The following PRKAR1B variants were observed in gnomAD, a reference collection of about 807,000 sequenced individuals.
PRKAR1B encodes cAMP-dependent protein kinase type I-beta regulatory subunit.
In PRKAR1B, 22 loss-of-function variants were observed where a neutral mutation model predicts 46.5. The observed-to-expected ratio is 0.47, with a 90% CI of 0.34 to 0.68. The LOEUF (loss-of-function observed/expected upper bound fraction) is 0.68, where lower values mean the gene tolerates loss of function less well. Among genes scored for constraint, PRKAR1B ranks in the 30% least tolerant of loss-of-function variants. The probability of loss-of-function intolerance (pLI) is 0.01; values close to 1 mark genes in which losing one functional copy is unlikely to be tolerated. For synonymous variants in PRKAR1B, 259 were observed against 217.7 expected (o/e 1.19, Z -1.67); for missense variants, 445 against 535.6 (o/e 0.83, Z 1.67).
intron 9 of PRKAR1B, among the ~76,000 whole-genome samples, chr7:558,326 AG>A (rs1171897185): frequency 1.0e-5 from 1 of 98,114 alleles, no homozygotes; most frequent in Non-Finnish European, 2.1e-5. Flanking sequence ...ACCCTGTCTC[AG>A]GAAAAAAAAA....
At chr7:556,512 G>A (rs939650901) in intron 9 of PRKAR1B, among the ~76,000 whole-genome samples, 1 of 152,204 alleles carries the variant, frequency 6.6e-6, no homozygotes, top group African/African-American at 2.4e-5. Flanking sequence ...ACAGTCTTCC[G>A]CACGGAGTCA....
At chr7:610,717 T>C (rs1246388218) in intron 4 of PRKAR1B, among the ~76,000 whole-genome samples, 5 of 152,162 alleles carry the variant, frequency 3.3e-5, no homozygotes, top group African/African-American at 9.7e-5. Context: ...AAAACCCCCA[T>C]GGCTTCCTCT....
intron 6 of PRKAR1B, among the ~76,000 whole-genome samples, chr7:600,880 G>A (rs1781549350): frequency 6.6e-6 from 1 of 152,346 alleles, no homozygotes; most frequent in South Asian, 2.1e-4. Flanking sequence ...AAATACATTG[G>A]AAGATATTTT....
intron 9 of PRKAR1B, among the ~76,000 whole-genome samples, chr7:572,923 G>A (rs1301069211): frequency 2.6e-5 from 4 of 152,252 alleles, no homozygotes; most frequent in East Asian, 3.9e-4. Context: ...CAGGGAGAGC[G>A]AGGGACCGGC....
chr7:661,257 CCCCATGGCACAGG>C (rs1785538795), intron 4 of PRKAR1B, among the ~76,000 whole-genome samples: 1 of 84,182 alleles, frequency 1.2e-5, no homozygotes, highest in Admixed American at 1.1e-4. Flanking sequence ...CTACTCTCCC[CCCCATGGCACAGG>C]TCCCCACCCC....
chr7:705,076 G>A (rs1780250398), intron 2 of PRKAR1B, among the ~76,000 whole-genome samples: 1 of 152,124 alleles, frequency 6.6e-6, no homozygotes, highest in Non-Finnish European at 1.5e-5. Flanking sequence ...TGGAGCATCT[G>A]AGGTCAGGAG....
chr7:602,284 G>A lies in PRKAR1B; in HGVS notation c.549+3909C>T, dbSNP rs979416855. On this transcript the variant is annotated intron_variant, in intron 6 of 10. Transcript: ENST00000537384. This position sits in a 1 kb window ranked among gnomAD's most constrained non-coding sequence, Gnocchi z 6.4. ...GTATGAAGGAGTTACAGACGGCGGC[G>A]GGGGGAGGGGGGGTCTGTCCTGCTG... Among the ~76,000 whole-genome samples, 5 of 92,230 alleles carry A rather than the reference G, an allele frequency of 5.4e-5. No individual in the cohort carries two copies. Among genetic ancestry groups the A allele is most frequent in the African/African-American group, 1.9e-4 (5 of 25,866 alleles). The allele number at this position is 92,230 out of a possible 152,430, so 60.5% of individuals were successfully genotyped here.
rs540455681 is a variant in PRKAR1B, at chr7:666,366, T to C, written c.440+10863A>G. 6.6e-6 allele frequency among the ~76,000 whole-genome samples: 1 copy of C among 152,194 alleles called. No homozygotes were observed. Among genetic ancestry groups the C allele is most frequent in the East Asian group, 1.9e-4 (1 of 5,158 alleles). The stretch of plus-strand genomic sequence containing the variant: ...AGAGCTCCGGAGCACGCGGGGCTGC[T>C]TCCTGAGGCTGCTGAGGTCCCTGGC... On this transcript the variant is annotated intron_variant, in intron 4 of 10. Coordinates refer to ENST00000537384, the MANE Select transcript of PRKAR1B (RefSeq NM_001164760.2). The surrounding 1 kb of genome is among the most constrained non-coding windows in gnomAD (Gnocchi z 4.9).
chr7:562,560 C>G (rs1246979700), intron 9 of PRKAR1B, among the ~76,000 whole-genome samples: 1 of 152,206 alleles, frequency 6.6e-6, no homozygotes, highest in African/African-American at 2.4e-5. Flanking sequence ...TCCACCAGGC[C>G]TGCACTCATC....
At chr7:607,150 C>A (rs1202757918) in intron 5 of PRKAR1B, among the ~76,000 whole-genome samples, 10 of 152,092 alleles carry the variant, frequency 6.6e-5, no homozygotes, top group Admixed American at 6.5e-4. Context: ...ATTACAGGCA[C>A]CCGCCACCAC....
At chr7:660,743 C>T (rs1305494178) in intron 4 of PRKAR1B, among the ~76,000 whole-genome samples, 5 of 125,782 alleles carry the variant, frequency 4.0e-5, no homozygotes, top group East Asian at 2.7e-4. Flanking sequence ...CCCACCCCAA[C>T]GGGTCCAAAT....
rs191141869 is a variant in PRKAR1B at position 601,020 on chromosome 7, T to C, written c.550-4716A>G. ...GCATTTTGTCACCTGGCCGTCCCCCTGGACGCTGCTGGTCAGAGGGCAGCG... is the reference window on the plus strand; with the variant it reads ...GCATTTTGTCACCTGGCCGTCCCCCCGGACGCTGCTGGTCAGAGGGCAGCG... On this transcript the variant is annotated intron_variant, in intron 6 of 10. Transcript: ENST00000537384. 3.2e-3 allele frequency among the ~76,000 whole-genome samples: 483 copies of C among 152,310 alleles called. 5 individuals carry two copies. Among genetic ancestry groups the C allele is most frequent in the African/African-American group, 0.011 (450 of 41,574 alleles).
Position 593,132 on chromosome 7 carries a change from C to T in PRKAR1B, c.708+3014G>A, listed in dbSNP as rs1400243553. Among the ~76,000 whole-genome samples, 1 of 152,190 alleles carries T rather than the reference C, an allele frequency of 6.6e-6. No individual in the cohort carries two copies. The highest frequency in any genetic ancestry group is 1.5e-5 in the Non-Finnish European group (1 of 68,028). On this transcript the variant is annotated intron_variant, in intron 7 of 10. Coordinates refer to ENST00000537384, the MANE Select transcript of PRKAR1B (RefSeq NM_001164760.2). The surrounding 1 kb of genome is among the most constrained non-coding windows in gnomAD (Gnocchi z 6.1). ...CTGCCTGGGAGCCTAGAGGTGGGGT[C>T]ACCCCATCCTTCCTCGGATAAAACG... is the stretch of plus-strand genomic sequence containing the variant.
At position 595,576 on chromosome 7, in the gene PRKAR1B, G is replaced by A. The variant is rs531541483; in HGVS notation, c.708+570C>T. ...GGGCTCCCCACGAGCTCACCTCCAG[G>A]AGCCCCTACAAACACCAGCCGTGGC... On this transcript the variant is annotated intron_variant, in intron 7 of 10. Transcript: ENST00000537384. Among the ~76,000 whole-genome samples, 10 of 152,236 alleles carry A rather than the reference G, an allele frequency of 6.6e-5. No individual in the cohort carries two copies. The East Asian group carries it at 9.7e-4, about 15-fold the overall frequency.
intron 4 of PRKAR1B, among the ~76,000 whole-genome samples, chr7:641,283 G>A (rs1384523952): frequency 6.6e-6 from 1 of 152,192 alleles, no homozygotes; most frequent in Non-Finnish European, 1.5e-5. Flanking sequence ...GCCGGGAAAA[G>A]ACCCAGCAAT....
chr7:598,686 G>C lies in PRKAR1B; in HGVS notation c.550-2382C>G, dbSNP rs9719145. ...CCAGCACCCTCTGCACTTCTGTTCCGATGCAGGGGCCTCTTGCTGAGCCAC... is the reference window on the plus strand; with the variant it reads ...CCAGCACCCTCTGCACTTCTGTTCCCATGCAGGGGCCTCTTGCTGAGCCAC... On this transcript the variant is annotated intron_variant, in intron 6 of 10. Transcript: ENST00000537384. Among the ~76,000 whole-genome samples the C allele has an allele frequency of 2.5e-3, 378 of 152,082 alleles. 3 individuals are homozygous for C. Among genetic ancestry groups the C allele is most frequent in the African/African-American group, 8.4e-3 (347 of 41,448 alleles).
At position 683,450 on chromosome 7, in the gene PRKAR1B, T is replaced by C. The variant is rs577650371; in HGVS notation, c.178-2724A>G. On this transcript the variant is annotated intron_variant, in intron 2 of 10. Transcript: ENST00000537384. ...CACCAGATCACACCAAGGTAGAGGA[T>C]GCAGGAGAGGAGTCTGAGACCCCAG... 5.9e-5 allele frequency among the ~76,000 whole-genome samples: 9 copies of C among 152,276 alleles called. No individual in the cohort carries two copies. The South Asian group carries it at 1.0e-3, about 18-fold the overall frequency.
intron 1 of PRKAR1B, among the ~76,000 whole-genome samples, chr7:713,824 G>A (rs564054863): frequency 1.8e-4 from 27 of 152,340 alleles, no homozygotes; most frequent in South Asian, 4.1e-4. Context: ...CAGGGTGAAC[G>A]TAAACCAAGC....
intron 2 of PRKAR1B, among the ~76,000 whole-genome samples, 179 bp from the exon 3 acceptor site, chr7:680,905 C>T (rs1255900283): frequency 1.3e-5 from 2 of 152,016 alleles, no homozygotes; most frequent in Admixed American, 6.6e-5. Context: ...TCTGTCCCCA[C>T]CCAAATTTCA....
Sources: gnomAD v4.1 joint callset for allele counts (sites outside exome capture counted in the v4.1 genomes callset) on GRCh38, gnomAD v4.1.1 for gene constraint, Gnocchi (gnomAD v3.1) non-coding constraint, MANE v1.5 for transcripts, NCBI Gene and HGNC (gene_info 2026-07-23, HGNC 2026-07-21) for gene names.